COPS4: variants seen among roughly 807,000 people sequenced by gnomAD.
The protein encoded by COPS4 is COP9 signalosome complex subunit 4.
In COPS4, 8 loss-of-function variants were observed where a neutral mutation model predicts 55.1. That is an observed-to-expected ratio of 0.15 (90% CI 0.09 to 0.26). The LOEUF is 0.26. Among genes scored for constraint, COPS4 ranks in the 10% least tolerant of loss-of-function variants. The probability of loss-of-function intolerance (pLI) is 1.00; values close to 1 mark genes in which losing one functional copy is unlikely to be tolerated. For missense variants in COPS4, 248 were observed against 484.0 expected, an observed-to-expected ratio of 0.51 and a Z score of 4.58; for synonymous variants, 185 against 165.7, an observed-to-expected ratio of 1.12 and a Z score of -0.90.
At chr4:83,065,090 GTCTTGA>G (rs1731263371) in intron 7 of COPS4, 1 of 684,146 alleles carries the variant, frequency 1.5e-6, no homozygotes, top group African/African-American at 1.8e-5. Flanking sequence ...GCCCAGGCTG[GTCTTGA>G]ACTCCTGGGC....
chr4:83,059,254 T>A (rs1731098265), intron 6 of COPS4, among the ~76,000 whole-genome samples: 1 of 152,182 alleles, frequency 6.6e-6, no homozygotes, highest in Admixed American at 6.5e-5. Context: ...TTTTAGTGTT[T>A]ACTTAATTAC....
Position 83,057,375 on chromosome 4 carries a change from C to T in COPS4, c.682C>T (p.His228Tyr). 3 of 1,612,834 alleles carry T rather than the reference C, an allele frequency of 1.9e-6. No individual in the cohort carries two copies. The highest frequency in any genetic ancestry group is 2.5e-6 in the Non-Finnish European group (3 of 1,179,592). ...AAGTGAAAGACTAGAGGCCTTAAAA[C>T]ATGCTTTGCACTGTACGATCTTAGC... Reference protein sequence around the residue: ...HESERLEALKHALHCTILASA... With the variant: ...HESERLEALKYALHCTILASA... Residue 228 changes from histidine (H) to tyrosine (Y), a missense_variant, in exon 6 of 10, where the codon CAT becomes TAT. Physicochemically the swap from His to Tyr is moderately conservative, Grantham distance 83. This residue lies in a region of COPS4 where 155 missense variants were observed against 326.6 expected (regional missense o/e 0.47). Transcript: ENST00000264389.
At chr4:83,036,414 G>A (rs75384980) in intron 1 of COPS4, among the ~76,000 whole-genome samples, 2,464 of 152,270 alleles carry the variant, frequency 0.016, 63 homozygotes, top group African/African-American at 0.056. Context: ...AATTCTGACT[G>A]TTTTAAGTAG....
intron 6 of COPS4, among the ~76,000 whole-genome samples, chr4:83,059,439 G>C (rs181112000): frequency 1.3e-5 from 2 of 151,770 alleles, no homozygotes; most frequent in Admixed American, 6.6e-5. Context: ...ATTGAGAACC[G>C]GAAAGCTCCT....
rs914984127 is a variant in COPS4, at chr4:83,046,495, G to A, written c.154+790G>A. ...AAACCCCACATGCACTTGTATATTC[G>A]CCATATTGCTATTCACAATAAGGAA... is the stretch of plus-strand genomic sequence containing the variant. On this transcript the variant is annotated intron_variant, in intron 2 of 9. Transcript: ENST00000264389. 7.2e-5 allele frequency among the ~76,000 whole-genome samples: 11 copies of A among 152,172 alleles called. 1 individual carries two copies. Among genetic ancestry groups the A allele is most frequent in the Admixed American group, 3.3e-4 (5 of 15,284 alleles).
At chr4:83,058,330 A>G (rs1487812921) in intron 6 of COPS4, among the ~76,000 whole-genome samples, 1 of 151,814 alleles carries the variant, frequency 6.6e-6, no homozygotes, top group East Asian at 1.9e-4. Context: ...TGATCCTCCC[A>G]CTTCAACCTC....
intron 9 of COPS4, among the ~76,000 whole-genome samples, chr4:83,070,549 C>T (rs1218286101): frequency 1.3e-5 from 2 of 152,174 alleles, no homozygotes; most frequent in Non-Finnish European, 2.9e-5. Context: ...ACCATCCTCC[C>T]ACCTCAACCT....
intron 1 of COPS4, among the ~76,000 whole-genome samples, chr4:83,043,559 C>T (rs1158431883): frequency 9.1e-6 from 1 of 109,968 alleles, no homozygotes; most frequent in African/African-American, 3.6e-5. Context: ...ATAACAACCA[C>T]AAAACAACTT....
intron 9 of COPS4, among the ~76,000 whole-genome samples, chr4:83,071,315 T>C (rs112496561): frequency 0.013 from 2,053 of 152,320 alleles, 51 homozygotes; most frequent in African/African-American, 0.047. Context: ...TGATGAGTAA[T>C]ATAGCATTTC....
At chr4:83,070,469 C>T (rs903052618) in intron 9 of COPS4, among the ~76,000 whole-genome samples, 8 of 152,168 alleles carry the variant, frequency 5.3e-5, no homozygotes, top group Non-Finnish European at 1.2e-4. Flanking sequence ...GTGTCCCCCA[C>T]GACTAACCAG....
intron 7 of COPS4, 21 bp downstream of exon 7, chr4:83,063,267 G>A: frequency 6.3e-7 from 1 of 1,575,408 alleles, no homozygotes; most frequent in South Asian, 1.2e-5. Context: ...TGTCTTATGT[G>A]TATATGGTAG....
intron 2 of COPS4, 115 bp from the exon 3 acceptor site, chr4:83,049,051 A>T (rs757941739): frequency 1.1e-6 from 1 of 928,676 alleles, no homozygotes; most frequent in Non-Finnish European, 1.6e-6. Context: ...TGAATAATGC[A>T]TTGAAGGCTG....
rs184949432 is a variant in COPS4, at chr4:83,063,767, T to C, written c.886+521T>C. Among the ~76,000 whole-genome samples, 287 of 152,066 alleles carry C rather than the reference T, an allele frequency of 1.9e-3. 7 individuals carry two copies. Among genetic ancestry groups the C allele is most frequent in the African/African-American group, 6.6e-3 (273 of 41,424 alleles). On this transcript the variant is annotated intron_variant, in intron 7 of 9. Transcript: ENST00000264389. ...TCTTGTCGCCCAGGCTGGAGTGCAA[T>C]GGTGCGATCTCGGTTCACCACAACC... is the stretch of plus-strand genomic sequence containing the variant.
chr4:83,069,450 GAA>G (rs1280406809), intron 9 of COPS4, among the ~76,000 whole-genome samples: 1 of 152,166 alleles, frequency 6.6e-6, no homozygotes, highest in Non-Finnish European at 1.5e-5. Context: ...TTGTGCTGGA[GAA>G]GAGTCGGGCA....
In COPS4 at chr4:83,046,529, C is replaced by T. The variant is rs201829435; in HGVS notation, c.154+824C>T. The stretch of plus-strand genomic sequence containing the variant: ...CTATTCACAATAAGGAAGGCATGGA[C>T]TTAACTTATGTGTGAATCAATAAAT... On this transcript the variant is annotated intron_variant, in intron 2 of 9. Transcript: ENST00000264389. Among the ~76,000 whole-genome samples, 1,436 of 151,560 alleles carry T rather than the reference C, an allele frequency of 9.5e-3. 12 individuals carry two copies. Among genetic ancestry groups the T allele is most frequent in the Non-Finnish European group, 0.013 (889 of 67,690 alleles).
intron 6 of COPS4, among the ~76,000 whole-genome samples, chr4:83,059,005 T>A (rs747826488): frequency 3.9e-5 from 6 of 152,190 alleles, no homozygotes; most frequent in South Asian, 2.1e-4. Flanking sequence ...GTATCTCACT[T>A]TAGTTTTAAT....
At chr4:83,057,533 G>A (rs1578714053) in intron 6 of COPS4, 125 bp downstream of exon 6, 15 of 654,146 alleles carry the variant, frequency 2.3e-5, no homozygotes, top group South Asian at 8.8e-5. Flanking sequence ...ATACAGTTAT[G>A]GTAAATGTAG....
intron 1 of COPS4, among the ~76,000 whole-genome samples, chr4:83,036,362 A>T (rs1730419219): frequency 6.6e-6 from 1 of 151,884 alleles, no homozygotes; most frequent in African/African-American, 2.4e-5. Context: ...AATCACTTTG[A>T]TGTATATTAA....
At chr4:83,048,938 C>T (rs1730790391) in intron 2 of COPS4, among the ~76,000 whole-genome samples, 3 of 152,162 alleles carry the variant, frequency 2.0e-5, no homozygotes, top group Admixed American at 2.0e-4. Context: ...AGCCATCGCA[C>T]TGGCCTATTT....
Sources: gnomAD v4.1 joint callset for allele counts (sites outside exome capture counted in the v4.1 genomes callset) on GRCh38, gnomAD v4.1.1 for gene constraint, gnomAD v4.1.1 regional missense constraint, MANE v1.5 for transcripts, NCBI Gene and HGNC (gene_info 2026-07-23, HGNC 2026-07-21) for gene names.